Variants in PDE4D observed in about 807,000 individuals in gnomAD.
PDE4D encodes the protein 3',5'-cyclic-AMP phosphodiesterase 4D.
Under a neutral mutation model 87.4 loss-of-function variants are expected in PDE4D, and 24 were observed. The ratio of observed to expected loss-of-function variants is 0.27; its 90% confidence interval spans 0.20 to 0.39. PDE4D has a LOEUF of 0.39. Ranked by LOEUF, PDE4D falls within the 10% of genes least tolerant of loss-of-function variation. The pLI is 1.00. For missense variants in PDE4D, 714 were observed against 1,041.0 expected, an observed-to-expected ratio of 0.69 and a Z score of 4.32; for synonymous variants, 384 against 383.2, an observed-to-expected ratio of 1.00 and a Z score of -0.02.
At chr5:59,337,628 TA>T (rs1777941124) in intron 1 of PDE4D, among the ~76,000 whole-genome samples, 2 of 152,152 alleles carry the variant, frequency 1.3e-5, no homozygotes, top group Admixed American at 1.3e-4. Flanking sequence ...ATAAGGACAC[TA>T]AACAGAGAGA....
At chr5:59,845,576 T>TAA (rs1203760319) in intron 1 of PDE4D, among the ~76,000 whole-genome samples, 1 of 152,092 alleles carries the variant, frequency 6.6e-6, no homozygotes, top group African/African-American at 2.4e-5. Context: ...AATGCAAACT[T>TAA]AAATTTAGCA....
At chr5:59,271,316 G>C (rs898074196) in intron 1 of PDE4D, among the ~76,000 whole-genome samples, 7 of 152,122 alleles carry the variant, frequency 4.6e-5, no homozygotes, top group African/African-American at 1.7e-4. Context: ...AGGTATTACA[G>C]GAGCAAGCTA....
chr5:59,019,924 T>C (rs1754783407), intron 6 of PDE4D, among the ~76,000 whole-genome samples: 1 of 152,048 alleles, frequency 6.6e-6, no homozygotes, highest in South Asian at 2.1e-4. Flanking sequence ...TGTGTTTGAA[T>C]ACAGATACAT....
At position 59,836,724 on chromosome 5, in the gene PDE4D, T is replaced by C. The variant is rs564503563; in HGVS notation, c.455+56444A>G. Among the ~76,000 whole-genome samples, 8 of 152,058 alleles carry C rather than the reference T, an allele frequency of 5.3e-5. No homozygotes were observed. In the South Asian group the frequency reaches 1.7e-3, roughly 32 times the overall value. Reference sequence around the variant, plus strand: ...ATCTGTCTATCTATCATCTGTCTAATAGATATCTAGAGATAGAGCAAAAGG... The same window carrying C: ...ATCTGTCTATCTATCATCTGTCTAACAGATATCTAGAGATAGAGCAAAAGG... On this transcript the variant is annotated intron_variant, in intron 1 of 14. Transcript: ENST00000340635.
At chr5:59,443,564 G>C (rs1797947440) in intron 1 of PDE4D, among the ~76,000 whole-genome samples, 1 of 152,150 alleles carries the variant, frequency 6.6e-6, no homozygotes, top group Non-Finnish European at 1.5e-5. Context: ...CGGGTCATCT[G>C]AACTAACAAT....
At chr5:59,488,214 A>G (rs564088257) in intron 1 of PDE4D, among the ~76,000 whole-genome samples, 3 of 152,144 alleles carry the variant, frequency 2.0e-5, no homozygotes, top group African/African-American at 7.2e-5. Flanking sequence ...GCAATGTAAA[A>G]TATAATGAAT....
intron 1 of PDE4D, among the ~76,000 whole-genome samples, chr5:59,809,437 C>T (rs546936675): frequency 2.6e-5 from 4 of 152,126 alleles, no homozygotes; most frequent in Non-Finnish European, 4.4e-5. Context: ...CTACAAAATA[C>T]AAATTTCCCA....
At position 59,281,267 on chromosome 5, in the gene PDE4D, CTT is replaced by C. The variant is rs759598532; in HGVS notation, c.456-65301_456-65300del. The stretch of plus-strand genomic sequence containing the variant: ...TGACCTTTTCTCTTCCTACTTCTAT[CTT>C]TATGTATTGTGGCTTAGAGTCACAG... On this transcript the variant is annotated intron_variant, in intron 1 of 14. Coordinates refer to ENST00000340635, the MANE Select transcript of PDE4D (RefSeq NM_001104631.2). 2.6e-5 allele frequency among the ~76,000 whole-genome samples: 4 copies of C among 152,208 alleles called. No individual in the cohort carries two copies. The East Asian group carries it at 7.7e-4, about 29-fold the overall frequency.
intron 2 of PDE4D, among the ~76,000 whole-genome samples, chr5:60,112,268 T>C (rs1211659811): frequency 6.6e-6 from 1 of 152,096 alleles, no homozygotes; most frequent in Non-Finnish European, 1.5e-5. Context: ...ATTCTGAACA[T>C]TATTCACCAA....
At chr5:59,812,087 T>C (rs1278351546) in intron 1 of PDE4D, among the ~76,000 whole-genome samples, 1 of 152,224 alleles carries the variant, frequency 6.6e-6, no homozygotes, top group Admixed American at 6.5e-5. Flanking sequence ...CATTTTGTTC[T>C]CATTTTTAGG....
At position 58,989,826 on chromosome 5, in the gene PDE4D, A is replaced by G. The variant is rs1188939348; in HGVS notation, c.1381T>C (p.Tyr461His). The change falls in exon 10 of 15, where the codon TAT (tyrosine) becomes CAT (histidine). Residue 461 changes from tyrosine to histidine, a missense_variant. Transcript: ENST00000340635. The stretch of plus-strand genomic sequence containing the variant: ...TCTGCAGCATGGATATTGTTGTGAT[A>G]GGCCACATCAGCATGGTAATGGTCT... ...LEDHYHADVA[Y>H]HNNIHAADVV... 1 of 1,605,030 alleles carries G rather than the reference A, an allele frequency of 6.2e-7. No individual in the cohort carries two copies. Among genetic ancestry groups the G allele is most frequent in the African/African-American group, 1.3e-5 (1 of 74,858 alleles).
intron 3 of PDE4D, chr5:59,987,250 T>G (rs1762542353): frequency 6.6e-6 from 1 of 152,154 alleles, no homozygotes; most frequent in South Asian, 2.1e-4. Flanking sequence ...ACAGCATTTT[T>G]CAAAAAATGT....
intron 1 of PDE4D, among the ~76,000 whole-genome samples, chr5:59,533,619 C>A (rs1385646432): frequency 5.9e-5 from 9 of 152,144 alleles, no homozygotes; most frequent in Non-Finnish European, 1.2e-4. Flanking sequence ...GAAAACTCAA[C>A]CAATAAAATT....
chr5:60,089,976 A>G (rs1774956214), intron 2 of PDE4D, among the ~76,000 whole-genome samples: 1 of 152,046 alleles, frequency 6.6e-6, no homozygotes, highest in South Asian at 2.1e-4. Flanking sequence ...ACCCATGAAA[A>G]AAGAGAAAAC....
At chr5:59,900,137 G>A (rs10062207) in intron 3 of PDE4D, among the ~76,000 whole-genome samples, 11,967 of 151,802 alleles carry the variant, frequency 0.079, 999 homozygotes, top group African/African-American at 0.21. Flanking sequence ...CCTCTCTGGA[G>A]CCTGAGGCAG....
chr5:59,507,724 G>A (rs1433945538), intron 1 of PDE4D, among the ~76,000 whole-genome samples: 1 of 148,762 alleles, frequency 6.7e-6, no homozygotes, highest in Non-Finnish European at 1.5e-5. Context: ...TCCAAATACA[G>A]TGTTGAGGAA....
intron 6 of PDE4D, 136 bp downstream of exon 6, chr5:59,038,723 T>C: frequency 1.3e-6 from 1 of 789,574 alleles, no homozygotes; most frequent in Non-Finnish European, 1.8e-6. Context: ...AACCTCCCTC[T>C]AAGGAGCAGA....
intron 1 of PDE4D, among the ~76,000 whole-genome samples, chr5:60,432,307 T>G (rs1212843661): frequency 2.0e-5 from 3 of 152,202 alleles, no homozygotes; most frequent in African/African-American, 7.2e-5. Flanking sequence ...CTCAATTTTT[T>G]GGAATAGTTT....
chr5:60,414,108 T>G (rs939678226), intron 1 of PDE4D, among the ~76,000 whole-genome samples: 2 of 152,224 alleles, frequency 1.3e-5, no homozygotes, highest in African/African-American at 4.8e-5. Context: ...AGTCCTTGTC[T>G]GTCATACACA....
Sources: allele counts gnomAD v4.1 joint callset (sites outside exome capture counted in the v4.1 genomes callset), GRCh38; gene constraint gnomAD v4.1.1; transcripts MANE v1.5; gene names NCBI Gene and HGNC (gene_info 2026-07-23, HGNC 2026-07-21).